HS6ST2: variants seen among roughly 807,000 people sequenced by gnomAD.
The protein encoded by HS6ST2 is heparan sulfate 6-O-sulfotransferase 2.
In HS6ST2, 17 loss-of-function variants were observed where a neutral mutation model predicts 33.0. That is an observed-to-expected ratio of 0.52 (90% CI 0.35 to 0.77). HS6ST2 has a LOEUF of 0.77. Ranked by LOEUF, HS6ST2 falls within the 30% of genes least tolerant of loss-of-function variation. HS6ST2 has a pLI of 0.01. For synonymous variants in HS6ST2, 248 were observed against 237.1 expected (o/e 1.05, Z -0.42); for missense variants, 519 against 551.7 (o/e 0.94, Z 0.59).
At chrX:132,905,174 G>T (rs990158016) in intron 2 of HS6ST2, among the ~76,000 whole-genome samples, 1 of 111,455 alleles carries the variant, frequency 9.0e-6, no homozygotes, top group African/African-American at 3.3e-5. Context: ...CCAACTTGTG[G>T]TTGGTCTTGT....
At chrX:132,828,029 C>A (rs779657301) in intron 2 of HS6ST2, among the ~76,000 whole-genome samples, 11 of 111,729 alleles carry the variant, frequency 9.8e-5, no homozygotes, top group Non-Finnish European at 2.1e-4. Context: ...ACAAACATAT[C>A]ATTTTATCTG....
chrX:132,669,275 T>C, intron 3 of HS6ST2, 76 bp from the exon 4 acceptor site: 2 of 897,099 alleles, frequency 2.2e-6, no homozygotes, highest in Non-Finnish European at 3.1e-6. Flanking sequence ...TCACTTCATT[T>C]AAAGACTCTC....
chrX:132,813,400 T>C (rs2065367775), intron 2 of HS6ST2, among the ~76,000 whole-genome samples: 1 of 111,673 alleles, frequency 9.0e-6, no homozygotes, highest in African/African-American at 3.3e-5. Context: ...GTTTGTTACA[T>C]TTATTCCGCC....
chrX:132,783,361 G>T (rs1332187036), intron 2 of HS6ST2, among the ~76,000 whole-genome samples: 1 of 111,782 alleles, frequency 8.9e-6, no homozygotes, highest in East Asian at 2.8e-4. Context: ...TCTTGACACA[G>T]ATTTGTGTGA....
intron 2 of HS6ST2, among the ~76,000 whole-genome samples, chrX:132,804,404 G>A (rs974831406): frequency 1.8e-5 from 2 of 112,062 alleles, no homozygotes; most frequent in Non-Finnish European, 3.8e-5. Context: ...GCTCTTCTTG[G>A]CCTCATCTTG....
At chrX:132,751,211 C>A (rs1056158322) in intron 2 of HS6ST2, among the ~76,000 whole-genome samples, 4 of 109,621 alleles carry the variant, frequency 3.6e-5, no homozygotes. Flanking sequence ...GATCCACCCC[C>A]ACTCCAAAGA....
chrX:132,709,812 A>AACACACACACACAC (rs60459374), intron 2 of HS6ST2, among the ~76,000 whole-genome samples: 33,297 of 91,811 alleles, frequency 0.36, 5,324 homozygotes, highest in Admixed American at 0.54. Context: ...GAAAAGACAA[A>AACACACACACACAC]ACACACACAC....
At chrX:132,661,571 T>G (rs1413048249) in intron 4 of HS6ST2, among the ~76,000 whole-genome samples, 2 of 112,149 alleles carry the variant, frequency 1.8e-5, no homozygotes, top group African/African-American at 6.5e-5. Context: ...ATAGATACCC[T>G]GAGTTCATGG....
At chrX:132,703,104 TATA>T (rs757817338) in intron 3 of HS6ST2, among the ~76,000 whole-genome samples, 3 of 112,089 alleles carry the variant, frequency 2.7e-5, no homozygotes, top group Non-Finnish European at 5.6e-5. Context: ...TGCACATCAT[TATA>T]ATGAGAGGTT....
chrX:132,732,963 G>A (rs952666541), intron 2 of HS6ST2, among the ~76,000 whole-genome samples: 1 of 111,837 alleles, frequency 8.9e-6, no homozygotes, highest in Non-Finnish European at 1.9e-5. Flanking sequence ...ACATAGAAAG[G>A]CTATCCCTAG....
chrX:132,870,406 G>A (rs1384747549), intron 2 of HS6ST2, among the ~76,000 whole-genome samples: 3 of 111,530 alleles, frequency 2.7e-5, no homozygotes, highest in African/African-American at 9.8e-5. Flanking sequence ...TCACAGAATT[G>A]GAAAAAACTA....
chrX:132,775,919 T>C (rs2064953453), intron 2 of HS6ST2, among the ~76,000 whole-genome samples: 2 of 111,558 alleles, frequency 1.8e-5, no homozygotes, highest in African/African-American at 6.5e-5. Context: ...TCTTAGGTCC[T>C]GAAAAAAAGA....
intron 2 of HS6ST2, among the ~76,000 whole-genome samples, chrX:132,836,599 CAT>C (rs1326397626): frequency 8.9e-6 from 1 of 112,910 alleles, no homozygotes; most frequent in Non-Finnish European, 1.9e-5. Flanking sequence ...ACAGGTTCAA[CAT>C]ATCTCATAGA....
At chrX:132,727,001 T>G (rs1362404866) in intron 2 of HS6ST2, among the ~76,000 whole-genome samples, 1 of 111,350 alleles carries the variant, frequency 9.0e-6, no homozygotes, top group Non-Finnish European at 1.9e-5. Flanking sequence ...TTTTTCTACA[T>G]CCTGTCCAAT....
At chrX:132,817,243 G>A (rs1248990659) in intron 2 of HS6ST2, among the ~76,000 whole-genome samples, 20 of 111,242 alleles carry the variant, frequency 1.8e-4, no homozygotes, top group Non-Finnish European at 5.7e-5. Flanking sequence ...ATGTCAATAT[G>A]CAGAGGGTTT....
At chrX:132,683,374 A>G (rs911100183) in intron 3 of HS6ST2, among the ~76,000 whole-genome samples, 1 of 111,623 alleles carries the variant, frequency 9.0e-6, no homozygotes, top group Non-Finnish European at 1.9e-5. Context: ...TCCTGCTCAG[A>G]CTGTCTCTTC....
At chrX:132,835,822 A>G (rs2065636832) in intron 2 of HS6ST2, among the ~76,000 whole-genome samples, 1 of 111,747 alleles carries the variant, frequency 8.9e-6, no homozygotes, top group African/African-American at 3.3e-5. Flanking sequence ...AGGCTGAGGC[A>G]GGAGAATCGC....
chrX:132,628,574 G>A lies in HS6ST2; in HGVS notation c.1587C>T (p.Ser529=). 1 of 1,211,258 alleles carries A rather than the reference G, an allele frequency of 8.3e-7. No individual in the cohort carries two copies. Among genetic ancestry groups the A allele is most frequent in the Non-Finnish European group, 1.1e-6 (1 of 895,283 alleles). ...GLNFLDMELY[S]YAKDLFLQRY... ...TCTGCAAAAAAAGGTCTTTGGCATA[G>A]CTGTACAACTCCATATCCAGAAAAT... is the stretch of plus-strand genomic sequence containing the variant. The change falls in exon 5 of 5, where the codon AGC becomes AGT. Residue 529 remains serine, a synonymous_variant. Coordinates refer to ENST00000370833, the MANE Select transcript of HS6ST2 (RefSeq NM_001394073.1).
At chrX:132,676,496 GT>G (rs1392426489) in intron 3 of HS6ST2, among the ~76,000 whole-genome samples, 1 of 112,524 alleles carries the variant, frequency 8.9e-6, no homozygotes, top group African/African-American at 3.2e-5. Context: ...TAGGATTTTT[GT>G]TTTTGAAGAA....
Sources: gnomAD v4.1 joint callset for allele counts (sites outside exome capture counted in the v4.1 genomes callset) on GRCh38, gnomAD v4.1.1 for gene constraint, MANE v1.5 for transcripts, NCBI Gene and HGNC (gene_info 2026-07-23, HGNC 2026-07-21) for gene names.